The following PPP2R2D variants were observed in gnomAD, a reference collection of about 807,000 sequenced individuals.
PPP2R2D encodes the protein serine/threonine-protein phosphatase 2A 55 kDa regulatory subunit B delta isoform.
A neutral mutation model predicts 31.1 loss-of-function variants in PPP2R2D; 9 were observed. The ratio of observed to expected loss-of-function variants is 0.29; its 90% CI spans 0.17 to 0.51. The LOEUF is 0.51. PPP2R2D is among the 20% of genes least tolerant of loss of function. The pLI is 0.98. For missense variants in PPP2R2D, 391 were observed against 465.6 expected (o/e 0.84, Z 1.48); for synonymous variants, 179 against 172.6 (o/e 1.04, Z -0.29).
At chr10:131,907,920 T>G (rs2035623443) in intron 2 of PPP2R2D, among the ~76,000 whole-genome samples, 1 of 152,222 alleles carries the variant, frequency 6.6e-6, no homozygotes, top group African/African-American at 2.4e-5. Context: ...TCTGCTGTTC[T>G]GATGGGAAGT....
intron 2 of PPP2R2D, among the ~76,000 whole-genome samples, chr10:131,909,407 G>C (rs1418475212): frequency 1.4e-5 from 2 of 145,624 alleles, no homozygotes. Context: ...AATGGAGATA[G>C]GAAGTTACTG....
downstream of PPP2R2D, among the ~76,000 whole-genome samples, chr10:131,964,665 T>C (rs899394321): frequency 1.4e-5 from 1 of 69,786 alleles, no homozygotes; most frequent in Non-Finnish European, 3.0e-5. Context: ...GAGTTTACTA[T>C]GTTTTTTTTT....
At chr10:131,961,151 G>A (rs551754967), downstream of PPP2R2D, among the ~76,000 whole-genome samples, 103 of 152,288 alleles carry the variant, frequency 6.8e-4, no homozygotes, top group Middle Eastern at 3.4e-3. Flanking sequence ...GACGCTGCCC[G>A]CGGCCGACGC....
intron 2 of PPP2R2D, among the ~76,000 whole-genome samples, chr10:131,906,402 C>T (rs1439755417): frequency 6.6e-6 from 1 of 152,096 alleles, no homozygotes; most frequent in Non-Finnish European, 1.5e-5. Flanking sequence ...TAGACATTAA[C>T]CTGTTTCTAA....
chr10:131,938,858 CGCTGTGTCACGCTCCTCAGGCCCGT>C (rs1365285554), intron 3 of PPP2R2D, among the ~76,000 whole-genome samples: 2 of 152,228 alleles, frequency 1.3e-5, no homozygotes, highest in Non-Finnish European at 2.9e-5. Context: ...GCTGCCACAT[CGCTGTGTCACGCTCCTCAGGCCCGT>C]GCTGGCTCTC....
chr10:131,947,515 T>C lies in PPP2R2D; in HGVS notation c.821-15T>C. ...TTTTAAACAGAAGCTGAAAACATTTTATTTTGTTTTTCAGTTTTTGAAGAG... is the reference window on the plus strand; with the variant it reads ...TTTTAAACAGAAGCTGAAAACATTTCATTTTGTTTTTCAGTTTTTGAAGAG... On this transcript the variant is annotated splice_polypyrimidine_tract_variant and intron_variant, in intron 7 of 8. Coordinates refer to ENST00000455566, the MANE Select transcript of PPP2R2D (RefSeq NM_018461.5). This position sits in a 1 kb window ranked among gnomAD's most constrained non-coding sequence, Gnocchi z 4.3. 6.2e-7 allele frequency: 1 copy of C among 1,607,710 alleles called. No homozygotes were observed. Among genetic ancestry groups the C allele is most frequent in the South Asian group, 1.1e-5 (1 of 90,606 alleles).
At chr10:131,910,053 T>C (rs1221406895) in intron 2 of PPP2R2D, among the ~76,000 whole-genome samples, 1 of 152,266 alleles carries the variant, frequency 6.6e-6, no homozygotes, top group East Asian at 1.9e-4. Context: ...AAGGAAAATG[T>C]GGCGTCACAC....
chr10:131,935,204 T>A (rs2036317171), intron 3 of PPP2R2D, among the ~76,000 whole-genome samples: 1 of 152,228 alleles, frequency 6.6e-6, no homozygotes, highest in African/African-American at 2.4e-5. Context: ...GAGGTCCTAA[T>A]GAGCAGTGAT....
In PPP2R2D at chr10:131,958,754, G is replaced by A. The variant is rs868978542; in HGVS notation, c.*2791G>A. ...CCTGTGGAGATGGAGGTGTGTGCTG[G>A]TCCCCCGTCCCCCTGTGGAGATGGA... is the stretch of plus-strand genomic sequence containing the variant. On this transcript the variant is annotated 3_prime_UTR_variant, in exon 9 of 9. Transcript: ENST00000455566. 1.9e-3 allele frequency: 184 copies of A among 96,848 alleles called. No individual in the cohort carries two copies. Among genetic ancestry groups the A allele is most frequent in the East Asian group, 2.9e-3 (8 of 2,750 alleles). 6.0% of individuals were successfully genotyped at this position (96,848 alleles called of 1,614,324 possible).
At chr10:131,950,377 G>C (rs1335895168) in intron 8 of PPP2R2D, among the ~76,000 whole-genome samples, 1 of 152,002 alleles carries the variant, frequency 6.6e-6, no homozygotes, top group Non-Finnish European at 1.5e-5. Context: ...GACACCAAAC[G>C]CAAAGAGAAT....
At chr10:131,944,620 C>G (rs962183095) in intron 6 of PPP2R2D, among the ~76,000 whole-genome samples, 1 of 152,176 alleles carries the variant, frequency 6.6e-6, no homozygotes. Context: ...AGCCAGCAGC[C>G]GGGAGCATGG....
In PPP2R2D at chr10:131,932,667, A is replaced by AAAC. The variant is rs1564817986; in HGVS notation, c.101-1790_101-1789insACA. Reference sequence around the variant, plus strand: ...GTCTCAAAAAAAAAAAAAAAAAAAAAACACACAAAAAAAACCTAACTTGGT... The same window carrying AAAC: ...GTCTCAAAAAAAAAAAAAAAAAAAAAAACACACACAAAAAAAACCTAACTTGGT... On this transcript the variant is annotated intron_variant, in intron 2 of 8. Transcript: ENST00000455566. Among the ~76,000 whole-genome samples, 5 of 133,176 alleles carry AAAC rather than the reference A, an allele frequency of 3.8e-5. No homozygotes were observed. In the South Asian group the frequency reaches 6.6e-4, roughly 18 times the overall value. 87.4% of individuals were successfully genotyped at this position (133,176 alleles called of 152,430 possible).
At chr10:131,951,848 A>C (rs926822779) in intron 8 of PPP2R2D, among the ~76,000 whole-genome samples, 7 of 152,206 alleles carry the variant, frequency 4.6e-5, no homozygotes, top group African/African-American at 1.7e-4. Context: ...TCTGTATACA[A>C]AATATAAATG....
rs564897168 is a variant in PPP2R2D at position 131,938,347 on chromosome 10, C to T, written c.199-1684C>T. ...TATAGAGCAAGAATGAAAGTACTGG[C>T]GTCCTTGATTTTGAATTATGAAATA... On this transcript the variant is annotated intron_variant, in intron 3 of 8. Coordinates refer to ENST00000455566, the MANE Select transcript of PPP2R2D (RefSeq NM_018461.5). 4.6e-5 allele frequency among the ~76,000 whole-genome samples: 7 copies of T among 152,284 alleles called. No homozygotes were observed. In the East Asian group the frequency reaches 5.8e-4, roughly 13 times the overall value.
downstream of PPP2R2D, among the ~76,000 whole-genome samples, chr10:131,964,672 T>TG (rs1379825473): frequency 2.1e-4 from 32 of 151,412 alleles, 1 homozygote; most frequent in South Asian, 6.8e-3. Context: ...CTATGTTTTT[T>TG]TTTTTTTTTT....
chr10:131,905,485 G>A (rs956293098), intron 2 of PPP2R2D, among the ~76,000 whole-genome samples: 4 of 152,296 alleles, frequency 2.6e-5, no homozygotes, highest in African/African-American at 7.2e-5. Flanking sequence ...CTCTCTGGTA[G>A]ACTGAGCTCC....
chr10:131,901,627 G>T lies in PPP2R2D; in HGVS notation c.100+297G>T, dbSNP rs1024997627. Among the ~76,000 whole-genome samples, 3 of 152,058 alleles carry T rather than the reference G, an allele frequency of 2.0e-5. No individual in the cohort carries two copies. The East Asian group carries it at 5.8e-4, about 30-fold the overall frequency. The stretch of plus-strand genomic sequence containing the variant: ...CAGCGCCTGGGGCTGCCTCCTGCCC[G>T]GGGCGGAACCGAAGCCCGGGGCTGC... On this transcript the variant is annotated intron_variant, in intron 2 of 8. Coordinates refer to ENST00000455566, the MANE Select transcript of PPP2R2D (RefSeq NM_018461.5).
downstream of PPP2R2D, among the ~76,000 whole-genome samples, chr10:131,963,678 C>T (rs957571687): frequency 6.6e-6 from 1 of 152,384 alleles, no homozygotes; most frequent in East Asian, 1.9e-4. Flanking sequence ...AACAAGCCCC[C>T]AGGCAGCGCG....
chr10:131,950,369 C>T (rs962550677), intron 8 of PPP2R2D, among the ~76,000 whole-genome samples: 53 of 152,164 alleles, frequency 3.5e-4, no homozygotes, highest in African/African-American at 1.2e-3. Flanking sequence ...AATTGCAGGA[C>T]ACCAAACGCA....
Sources: allele counts gnomAD v4.1 joint callset (sites outside exome capture counted in the v4.1 genomes callset), GRCh38; gene constraint gnomAD v4.1.1; non-coding constraint Gnocchi (gnomAD v3.1); transcripts MANE v1.5; gene names NCBI Gene and HGNC (gene_info 2026-07-23, HGNC 2026-07-21).